The following SH3D19 variants were observed in gnomAD, a reference collection of about 807,000 sequenced individuals.
SH3D19 encodes the protein SH3 domain-containing protein 19.
SH3D19 carries 58 observed loss-of-function variants against 112.1 expected under a neutral mutation model. That is an observed-to-expected ratio of 0.52 (90% CI 0.42 to 0.64). SH3D19 has a LOEUF of 0.64. Among genes scored for constraint, SH3D19 ranks in the 30% least tolerant of loss-of-function variants. The probability of loss-of-function intolerance (pLI) is 0.00; values close to 1 mark genes in which losing one functional copy is unlikely to be tolerated. For synonymous variants in SH3D19, 391 were observed against 448.5 expected (o/e 0.87, Z 1.62); for missense variants, 1,090 against 1,263.4 (o/e 0.86, Z 2.08).
chr4:151,266,678 A>G (rs1286039629), intron 1 of SH3D19, among the ~76,000 whole-genome samples: 1 of 152,198 alleles, frequency 6.6e-6, no homozygotes, highest in Non-Finnish European at 1.5e-5. Flanking sequence ...GAAGTTAAAA[A>G]GCTAAGAACC....
chr4:151,274,873 G>A (rs1198844543), intron 1 of SH3D19, among the ~76,000 whole-genome samples: 1 of 152,162 alleles, frequency 6.6e-6, no homozygotes, highest in East Asian at 1.9e-4. Context: ...AGGGCCATGA[G>A]GGAAGGATTT....
chr4:151,193,308 ATT>A (rs1762934612), intron 2 of SH3D19, among the ~76,000 whole-genome samples: 1 of 151,532 alleles, frequency 6.6e-6, no homozygotes, highest in African/African-American at 2.4e-5. Context: ...CTTGATGAGC[ATT>A]TGGTGTTCAC....
chr4:151,264,427 CA>C (rs34271780), intron 1 of SH3D19, among the ~76,000 whole-genome samples: 41 of 106,074 alleles, frequency 3.9e-4, no homozygotes, highest in Admixed American at 2.7e-3. Context: ...GACTCTGTCT[CA>C]AAAAAAAAAA....
intron 2 of SH3D19, among the ~76,000 whole-genome samples, chr4:151,198,566 C>A (rs1239652786): frequency 6.6e-6 from 1 of 150,904 alleles, no homozygotes; most frequent in Non-Finnish European, 1.5e-5. Context: ...GCTAAGCCTT[C>A]CTTTGACCCT....
chr4:151,247,704 C>T (rs1477552015), intron 1 of SH3D19, among the ~76,000 whole-genome samples: 1 of 152,102 alleles, frequency 6.6e-6, no homozygotes, highest in African/African-American at 2.4e-5. Flanking sequence ...TAGTTCAGCT[C>T]TATAACTTTA....
chr4:151,221,073 C>A (rs1328539052), intron 2 of SH3D19, among the ~76,000 whole-genome samples: 1 of 152,156 alleles, frequency 6.6e-6, no homozygotes, highest in African/African-American at 2.4e-5. Context: ...TAGTGTTGGC[C>A]TACATATGAT....
At chr4:151,229,596 T>C (rs9994717) in intron 1 of SH3D19, among the ~76,000 whole-genome samples, 2 of 152,086 alleles carry the variant, frequency 1.3e-5, no homozygotes, top group South Asian at 2.1e-4. Flanking sequence ...AGAAAAGTAC[T>C]CTGTAAGTAG....
chr4:151,159,488 G>A, intron 8 of SH3D19, 136 bp from the exon 9 acceptor site: 1 of 599,042 alleles, frequency 1.7e-6, no homozygotes, highest in East Asian at 3.4e-5. Context: ...ATGAGAAAGA[G>A]CTCCCAGCAA....
At chr4:151,178,474 C>T (rs1231151454) in intron 4 of SH3D19, among the ~76,000 whole-genome samples, 1 of 152,168 alleles carries the variant, frequency 6.6e-6, no homozygotes, top group Admixed American at 6.6e-5. Flanking sequence ...TCCTAAGAAC[C>T]TTTGCTTATA....
intron 2 of SH3D19, among the ~76,000 whole-genome samples, chr4:151,223,278 T>C (rs2149941727): frequency 6.6e-6 from 1 of 152,270 alleles, no homozygotes; most frequent in South Asian, 2.1e-4. Context: ...CTGATGATCT[T>C]TGCCTGCATC....
intron 11 of SH3D19, among the ~76,000 whole-genome samples, chr4:151,145,624 T>G (rs1225494180): frequency 6.6e-6 from 1 of 152,216 alleles, no homozygotes; most frequent in African/African-American, 2.4e-5. Context: ...GCCTTGTTGC[T>G]CTCACAAAGC....
intron 7 of SH3D19, among the ~76,000 whole-genome samples, chr4:151,173,681 T>C (rs2149823046): frequency 6.6e-6 from 1 of 152,374 alleles, no homozygotes; most frequent in East Asian, 1.9e-4. Flanking sequence ...CAATGTTCTG[T>C]GCATGATGAA....
intron 8 of SH3D19, among the ~76,000 whole-genome samples, chr4:151,164,611 G>A (rs1051988434): frequency 2.7e-5 from 4 of 148,740 alleles, no homozygotes; most frequent in South Asian, 4.2e-4. Context: ...ATGGAGTCTC[G>A]CTCTGTCACC....
intron 1 of SH3D19, among the ~76,000 whole-genome samples, chr4:151,269,226 G>A (rs1241131077): frequency 2.0e-5 from 3 of 152,158 alleles, no homozygotes; most frequent in Admixed American, 2.0e-4. Flanking sequence ...TTTTTTGGCT[G>A]CATAAATGTC....
chr4:151,208,979 T>C (rs1265864620), intron 2 of SH3D19, among the ~76,000 whole-genome samples: 1 of 151,964 alleles, frequency 6.6e-6, no homozygotes, highest in Admixed American at 6.6e-5. Context: ...GCCCGGCCAG[T>C]AAATCTCTTT....
At chr4:151,203,492 A>G (rs1351346656) in intron 2 of SH3D19, among the ~76,000 whole-genome samples, 1 of 152,202 alleles carries the variant, frequency 6.6e-6, no homozygotes, top group East Asian at 1.9e-4. Flanking sequence ...GGAAACACTC[A>G]CTGATCACTG....
chr4:151,143,160 C>T (rs550612278), intron 12 of SH3D19, among the ~76,000 whole-genome samples: 3 of 151,130 alleles, frequency 2.0e-5, no homozygotes, highest in South Asian at 2.1e-4. Flanking sequence ...TTGCTTGAGC[C>T]GGGAAGGTCA....
chr4:151,311,112 T>C (rs1448718374), intron 1 of SH3D19, among the ~76,000 whole-genome samples: 1 of 151,108 alleles, frequency 6.6e-6, no homozygotes, highest in Non-Finnish European at 1.5e-5. Context: ...GGGAGATATA[T>C]ATGTATGTAT....
At chr4:151,163,355 G>T (rs1204635547) in intron 8 of SH3D19, among the ~76,000 whole-genome samples, 2 of 152,050 alleles carry the variant, frequency 1.3e-5, no homozygotes, top group Non-Finnish European at 2.9e-5. Flanking sequence ...CACAACAGAT[G>T]AATAAATTTA....
Sources: allele counts gnomAD v4.1 joint callset (sites outside exome capture counted in the v4.1 genomes callset), GRCh38; gene constraint gnomAD v4.1.1; transcripts MANE v1.5; gene names NCBI Gene and HGNC (gene_info 2026-07-23, HGNC 2026-07-21).